Variants in ANKRD31 observed in about 807,000 individuals in gnomAD.
The protein encoded by ANKRD31 is ankyrin repeat domain 31.
Under a neutral mutation model 186.0 loss-of-function variants are expected in ANKRD31, and 147 were observed. The observed-to-expected ratio is 0.79, with a 90% confidence interval of 0.69 to 0.91. ANKRD31 has a LOEUF of 0.91. ANKRD31 is among the 40% of genes least tolerant of loss of function. The probability of loss-of-function intolerance (pLI) is 0.00; values close to 1 mark genes in which losing one functional copy is unlikely to be tolerated. For missense variants in ANKRD31, 1,986 were observed against 2,148.8 expected, an observed-to-expected ratio of 0.92 and a Z score of 1.50; for synonymous variants, 673 against 736.4, an observed-to-expected ratio of 0.91 and a Z score of 1.39.
At chr5:75,184,905 A>T (rs1001161203) in intron 10 of ANKRD31, among the ~76,000 whole-genome samples, 7 of 152,198 alleles carry the variant, frequency 4.6e-5, no homozygotes, top group African/African-American at 1.7e-4. Context: ...ATATATCTAA[A>T]TTCCCATGCT....
At position 75,146,584 on chromosome 5, in the gene ANKRD31, G is replaced by C. The variant is rs1373252637; in HGVS notation, c.2827C>G (p.Gln943Glu). ...NLTNKKEMGF[Q>E]QFLLSEDHLS... The stretch of plus-strand genomic sequence containing the variant: ...TGATCTTCAGAAAGTAAAAACTGTT[G>C]GAAACCCATTTCTTTTTTATTTGTT... Residue 943 changes from glutamine (Q) to glutamate (E), a missense_variant, in exon 14 of 26, where the codon CAA becomes GAA. Coordinates refer to ENST00000506364, the MANE Select transcript of ANKRD31 (RefSeq NM_001372053.1). 1 of 1,535,712 alleles carries C rather than the reference G, an allele frequency of 6.5e-7. No individual in the cohort carries two copies. The highest frequency in any genetic ancestry group is 2.4e-5 in the East Asian group (1 of 40,864).
intron 20 of ANKRD31, among the ~76,000 whole-genome samples, chr5:75,108,875 C>A (rs1047316546): frequency 6.6e-6 from 1 of 152,104 alleles, no homozygotes; most frequent in Admixed American, 6.6e-5. Context: ...GCCCTGTCAT[C>A]CCAGCTTTTC....
intron 22 of ANKRD31, among the ~76,000 whole-genome samples, 153 bp from the exon 23 acceptor site, chr5:75,091,554 A>C (rs1437958894): frequency 6.6e-6 from 1 of 152,196 alleles, no homozygotes; most frequent in Non-Finnish European, 1.5e-5. Flanking sequence ...AATGGTCATA[A>C]GGGCATGCAG....
At chr5:75,187,047 G>GTA (rs1235407077) in intron 10 of ANKRD31, among the ~76,000 whole-genome samples, 1 of 149,572 alleles carries the variant, frequency 6.7e-6, no homozygotes, top group Non-Finnish European at 1.5e-5. Context: ...GTGTGTGTGT[G>GTA]TGTGTGTTTT....
At chr5:75,211,240 T>C (rs1448480870) in intron 3 of ANKRD31, among the ~76,000 whole-genome samples, 2 of 152,248 alleles carry the variant, frequency 1.3e-5, no homozygotes, top group Non-Finnish European at 2.9e-5. Context: ...ATATAAGAGA[T>C]ACAAAATTTT....
At chr5:75,103,014 C>A (rs1561422210) in intron 22 of ANKRD31, among the ~76,000 whole-genome samples, 1 of 152,182 alleles carries the variant, frequency 6.6e-6, no homozygotes, top group Non-Finnish European at 1.5e-5. Context: ...GTCGCTCACT[C>A]TGGGAGCTGT....
chr5:75,123,380 A>G (rs1748949229), intron 17 of ANKRD31, among the ~76,000 whole-genome samples: 1 of 152,132 alleles, frequency 6.6e-6, no homozygotes, highest in Admixed American at 6.6e-5. Flanking sequence ...CAATATACAG[A>G]TTCAATGCAA....
intron 3 of ANKRD31, among the ~76,000 whole-genome samples, chr5:75,221,004 G>A (rs2150306258): frequency 6.6e-6 from 1 of 152,264 alleles, no homozygotes; most frequent in Middle Eastern, 3.4e-3. Flanking sequence ...AAAAAAGAAT[G>A]AGATCATGTC....
chr5:75,196,054 T>C lies in ANKRD31; in HGVS notation c.594A>G (p.Arg198=). ...AAGTCATGGTCATTGTGACTTCCTT[T>C]CTAGGCTCAAAAAATGTATTTGGTG... is the stretch of plus-strand genomic sequence containing the variant. ...LAAPNTFFEP[R]KEVTMTMTSE... The change falls in exon 7 of 26, where the codon AGA becomes AGG. Residue 198 remains arginine, a synonymous_variant. Transcript: ENST00000506364. 1 of 1,536,660 alleles carries C rather than the reference T, an allele frequency of 6.5e-7. No homozygotes were observed. The highest frequency in any genetic ancestry group is 8.7e-7 in the Non-Finnish European group (1 of 1,146,670).
At chr5:75,223,958 A>C (rs548657704) in intron 2 of ANKRD31, among the ~76,000 whole-genome samples, 9 of 151,946 alleles carry the variant, frequency 5.9e-5, no homozygotes, top group Admixed American at 1.3e-4. Flanking sequence ...GTCCTCACCT[A>C]GAACCAATCT....
At position 75,104,574 on chromosome 5, in the gene ANKRD31, A is replaced by G; in HGVS notation, c.4985T>C (p.Ile1662Thr). 1 of 1,536,198 alleles carries G rather than the reference A, an allele frequency of 6.5e-7. No homozygotes were observed. Among genetic ancestry groups the G allele is most frequent in the Admixed American group, 2.0e-5 (1 of 50,834 alleles). Residue 1662 changes from isoleucine to threonine, a missense_variant, in exon 22 of 26, where the codon ATT becomes ACT. Transcript: ENST00000506364. ...ATAATTGGAAAGGTCCTGATCACAAATAATATTTGATGGATGGGCAGCATT... is the reference window on the plus strand; with the variant it reads ...ATAATTGGAAAGGTCCTGATCACAAGTAATATTTGATGGATGGGCAGCATT... ...AENAAHPSNIICDQDLSNYDP... is the reference protein window; with the variant it reads ...AENAAHPSNITCDQDLSNYDP...
At chr5:75,159,077 T>C (rs1309361878) in intron 11 of ANKRD31, among the ~76,000 whole-genome samples, 1 of 151,834 alleles carries the variant, frequency 6.6e-6, no homozygotes, top group Non-Finnish European at 1.5e-5. Flanking sequence ...AAAAGTATAA[T>C]AACTGAAAAG....
At chr5:75,137,565 T>G (rs1750689738) in intron 17 of ANKRD31, among the ~76,000 whole-genome samples, 1 of 152,156 alleles carries the variant, frequency 6.6e-6, no homozygotes, top group South Asian at 2.1e-4. Flanking sequence ...CAGCAAATTA[T>G]CTTAGACAAT....
intron 2 of ANKRD31, 81 bp from the exon 3 acceptor site, chr5:75,222,439 T>C: frequency 1.1e-6 from 1 of 943,434 alleles, no homozygotes; most frequent in South Asian, 1.6e-5. Flanking sequence ...TTTATACGCA[T>C]GCAAAATGTT....
intron 3 of ANKRD31, 109 bp downstream of exon 3, chr5:75,222,140 G>A (rs1479009466): frequency 1.3e-6 from 1 of 756,514 alleles, no homozygotes; most frequent in Non-Finnish European, 2.0e-6. Flanking sequence ...TAAGAAAAGA[G>A]GAAAGAAGCA....
intron 12 of ANKRD31, 130 bp downstream of exon 12, chr5:75,154,071 G>A: frequency 1.1e-6 from 1 of 903,562 alleles, no homozygotes; most frequent in Non-Finnish European, 1.5e-6. Context: ...ACAGAATGAA[G>A]AAAAGACACT....
At chr5:75,198,926 C>A (rs1373062579) in intron 6 of ANKRD31, among the ~76,000 whole-genome samples, 1 of 152,172 alleles carries the variant, frequency 6.6e-6, no homozygotes, top group Non-Finnish European at 1.5e-5. Context: ...TATTTCCCAT[C>A]TTCTGGCTCC....
chr5:75,211,432 T>C (rs1405069409), intron 3 of ANKRD31, among the ~76,000 whole-genome samples: 1 of 152,222 alleles, frequency 6.6e-6, no homozygotes, highest in Non-Finnish European at 1.5e-5. Flanking sequence ...CTATGGAGAA[T>C]AATGCTGCCA....
At chr5:75,071,806 G>C (rs1744254723) in intron 25 of ANKRD31, among the ~76,000 whole-genome samples, 1 of 152,064 alleles carries the variant, frequency 6.6e-6, no homozygotes, top group Non-Finnish European at 1.5e-5. Flanking sequence ...CCGAAAAACT[G>C]TTCTTAATAA....
Sources: gnomAD v4.1 joint callset for allele counts (sites outside exome capture counted in the v4.1 genomes callset) on GRCh38, gnomAD v4.1.1 for gene constraint, MANE v1.5 for transcripts, NCBI Gene and HGNC (gene_info 2026-07-23, HGNC 2026-07-21) for gene names.